Variants in PDE8A observed in about 807,000 individuals in gnomAD.
PDE8A encodes high affinity cAMP-specific and IBMX-insensitive 3',5'-cyclic phosphodiesterase 8A.
Under a neutral mutation model 105.0 loss-of-function variants are expected in PDE8A, and 59 were observed. The ratio of observed to expected loss-of-function variants is 0.56; its 90% CI spans 0.46 to 0.70. PDE8A has a LOEUF of 0.70. Ranked by LOEUF, PDE8A falls within the 30% of genes least tolerant of loss-of-function variation. The pLI is 0.00. For missense variants in PDE8A, 1,014 were observed against 1,045.9 expected (o/e 0.97, Z 0.42); for synonymous variants, 355 against 371.9 (o/e 0.95, Z 0.52).
chr15:85,084,746 T>A (rs991080156), intron 6 of PDE8A, among the ~76,000 whole-genome samples: 4 of 152,216 alleles, frequency 2.6e-5, no homozygotes, highest in African/African-American at 9.6e-5. Context: ...AATCTGCATT[T>A]TCGAAACTGC....
At chr15:85,012,482 G>C (rs1403839158) in intron 1 of PDE8A, among the ~76,000 whole-genome samples, 2 of 150,420 alleles carry the variant, frequency 1.3e-5, no homozygotes, top group African/African-American at 4.9e-5. Flanking sequence ...CTCACTCATA[G>C]GTGGGAATTG....
At chr15:85,069,488 TC>T (rs927586124) in intron 3 of PDE8A, among the ~76,000 whole-genome samples, 2 of 152,124 alleles carry the variant, frequency 1.3e-5, no homozygotes, top group African/African-American at 4.8e-5. Context: ...AGGAATTGTG[TC>T]CCCCCACCCC....
intron 1 of PDE8A, among the ~76,000 whole-genome samples, chr15:85,017,901 C>CAAAAAAAAA: frequency 2.2e-5 from 1 of 44,774 alleles, no homozygotes. Flanking sequence ...AAAAAAAAAG[C>CAAAAAAAAA]AATAGTGGGA....
chr15:85,115,134 TG>T lies in PDE8A; in HGVS notation c.1351-302del, dbSNP rs1442505385. The T allele has an allele frequency of 9.9e-5, 36 of 362,842 alleles. No individual in the cohort carries two copies. The East Asian group carries it at 2.2e-3, about 22-fold the overall frequency. 22.5% of individuals were successfully genotyped at this position (362,842 alleles called of 1,614,324 possible). A position where few individuals can be genotyped will look rare whatever the true frequency, so the allele number is the denominator to read the frequency against. On this transcript the variant is annotated intron_variant, in intron 14 of 21. Coordinates refer to ENST00000394553, the MANE Select transcript of PDE8A (RefSeq NM_002605.3). ...GGTCCTGGAGTGCAAGCAAGAATGC[TG>T]GGCTTAAAGACCACCCACCCCTCAA...
intron 1 of PDE8A, among the ~76,000 whole-genome samples, chr15:85,057,694 A>T (rs754166086): frequency 7.9e-5 from 12 of 152,284 alleles, no homozygotes; most frequent in Admixed American, 3.3e-4. Context: ...GGCTTTTTAA[A>T]TGTTGAGGTA....
intron 1 of PDE8A, among the ~76,000 whole-genome samples, chr15:85,012,722 A>G (rs289376): frequency 0.88 from 133,404 of 151,958 alleles, 59,045 homozygotes; most frequent in African/African-American, 0.97. Context: ...AAAAAAAAGA[A>G]GAAAATAATG....
At chr15:85,097,829 G>C (rs545718604) in intron 8 of PDE8A, 119 bp from the exon 9 acceptor site, 19 of 637,720 alleles carry the variant, frequency 3.0e-5, no homozygotes, top group South Asian at 2.9e-4. Context: ...GTTTGGGGTT[G>C]GGATCATTTT....
chr15:84,981,341 G>GGGCTC (rs2079704205), upstream of PDE8A, among the ~76,000 whole-genome samples: 1 of 152,186 alleles, frequency 6.6e-6, no homozygotes, highest in African/African-American at 2.4e-5. Context: ...TCACCGCTGG[G>GGGCTC]GGCTCGGCGC....
chr15:85,064,430 A>G lies in PDE8A; in HGVS notation c.243+4A>G, dbSNP rs1382274526. On this transcript the variant is annotated splice_donor_region_variant and intron_variant, in intron 2 of 21. Transcript: ENST00000394553. The stretch of plus-strand genomic sequence containing the variant: ...ATTTCATCAAGATCAACTTCAGGTA[A>G]TAATGAACGATGCTGTATTTTTCAC... 5 of 1,590,532 alleles carry G rather than the reference A, an allele frequency of 3.1e-6. No individual in the cohort carries two copies. Among genetic ancestry groups the G allele is most frequent in the Non-Finnish European group, 4.3e-6 (5 of 1,158,780 alleles).
At chr15:85,066,420 G>A (rs954800705) in intron 2 of PDE8A, among the ~76,000 whole-genome samples, 1 of 151,996 alleles carries the variant, frequency 6.6e-6, no homozygotes, top group Non-Finnish European at 1.5e-5. Context: ...AATTAGCCGG[G>A]CATGTGGTGG....
At chr15:85,039,255 A>T (rs1329774006) in intron 1 of PDE8A, among the ~76,000 whole-genome samples, 1 of 151,994 alleles carries the variant, frequency 6.6e-6, no homozygotes, top group African/African-American at 2.4e-5. Flanking sequence ...GTAAGACCTC[A>T]TTTCTATAGA....
intron 1 of PDE8A, among the ~76,000 whole-genome samples, chr15:85,006,664 A>G (rs2080153142): frequency 6.6e-6 from 1 of 151,520 alleles, no homozygotes; most frequent in Non-Finnish European, 1.5e-5. Context: ...TTAAAAGTTA[A>G]GAATGTTAAT....
intron 1 of PDE8A, among the ~76,000 whole-genome samples, chr15:85,024,906 G>A (rs2080488915): frequency 6.6e-6 from 1 of 152,140 alleles, no homozygotes; most frequent in African/African-American, 2.4e-5. Flanking sequence ...CAATGCTCCA[G>A]ATACAGTTTT....
At chr15:85,060,488 G>A (rs564914687) in intron 1 of PDE8A, among the ~76,000 whole-genome samples, 74 of 152,266 alleles carry the variant, frequency 4.9e-4, no homozygotes, top group African/African-American at 1.7e-3. Context: ...TGTTTACATA[G>A]CATTACATTG....
At chr15:85,024,817 G>A (rs1256715442) in intron 1 of PDE8A, among the ~76,000 whole-genome samples, 1 of 152,114 alleles carries the variant, frequency 6.6e-6, no homozygotes, top group East Asian at 1.9e-4. Context: ...GCTGGTGTTT[G>A]TTGGCTCAGA....
At chr15:85,034,136 C>G (rs1036938386) in intron 1 of PDE8A, among the ~76,000 whole-genome samples, 1 of 152,188 alleles carries the variant, frequency 6.6e-6, no homozygotes, top group Admixed American at 6.5e-5. Flanking sequence ...GAAATTTTGA[C>G]TCCTCCGTAT....
Position 85,017,475 on chromosome 15 carries a change from C to T in PDE8A, c.186+35127C>T, listed in dbSNP as rs28567794. ...ATTGCATTGGATAGTATCTTTAATA[C>T]AGTGTTAAAATAATAAAGAAGATAA... is the stretch of plus-strand genomic sequence containing the variant. On this transcript the variant is annotated intron_variant, in intron 1 of 21. Coordinates refer to ENST00000394553, the MANE Select transcript of PDE8A (RefSeq NM_002605.3). 4.3e-3 allele frequency among the ~76,000 whole-genome samples: 656 copies of T among 152,142 alleles called. 2 individuals carry two copies. The highest frequency in any genetic ancestry group is 0.015 in the African/African-American group (614 of 41,502).
chr15:85,120,708 G>T, intron 17 of PDE8A, 89 bp from the exon 18 acceptor site: 1 of 776,788 alleles, frequency 1.3e-6, no homozygotes. Context: ...ATTCTTACCT[G>T]AAAGTAATAG....
chr15:85,111,980 G>T (rs568376759), intron 12 of PDE8A, among the ~76,000 whole-genome samples: 29 of 152,102 alleles, frequency 1.9e-4, no homozygotes, highest in Admixed American at 1.8e-3. Context: ...ATTGCTTATT[G>T]TATATAGTTA....
Sources: gnomAD v4.1 joint callset for allele counts (sites outside exome capture counted in the v4.1 genomes callset) on GRCh38, gnomAD v4.1.1 for gene constraint, MANE v1.5 for transcripts, NCBI Gene and HGNC (gene_info 2026-07-23, HGNC 2026-07-21) for gene names.